CAMK1D: variants seen among roughly 807,000 people sequenced by gnomAD.
CAMK1D encodes calcium/calmodulin dependent protein kinase ID, also known as calcium/calmodulin-dependent protein kinase type 1D.
In CAMK1D, 9 loss-of-function variants were observed where a neutral mutation model predicts 47.7. That is an observed-to-expected ratio of 0.19 (90% confidence interval 0.11 to 0.33). The LOEUF is 0.33. CAMK1D is among the 10% of genes least tolerant of loss of function. CAMK1D has a pLI of 1.00. For missense variants in CAMK1D, 291 were observed against 488.7 expected (o/e 0.60, Z 3.81); for synonymous variants, 184 against 184.9 (o/e 0.99, Z 0.04).
rs138609573 is a variant in CAMK1D at position 12,774,774 on chromosome 10, C to T, written c.565+4975C>T. Among the ~76,000 whole-genome samples the T allele has an allele frequency of 3.0e-3, 460 of 152,336 alleles. 3 individuals are homozygous for T. Among genetic ancestry groups the T allele is most frequent in the South Asian group, 5.6e-3 (27 of 4,828 alleles). On this transcript the variant is annotated intron_variant, in intron 5 of 10. Coordinates refer to ENST00000619168, the MANE Select transcript of CAMK1D (RefSeq NM_153498.4). ...TAGATTCTCATGGGAGCTTGAACCC[C>T]GTTGTGATCTGTGCCCGCAAGAGAT...
intron 3 of CAMK1D, among the ~76,000 whole-genome samples, chr10:12,730,000 C>G (rs1044954770): frequency 6.6e-6 from 1 of 152,126 alleles, no homozygotes; most frequent in African/African-American, 2.4e-5. Flanking sequence ...GATGCAGAGC[C>G]GCTGGGAGAT....
intron 3 of CAMK1D, among the ~76,000 whole-genome samples, chr10:12,670,315 A>G (rs543347682): frequency 5.7e-4 from 86 of 151,924 alleles, no homozygotes; most frequent in African/African-American, 2.1e-3. Flanking sequence ...GGCCACTTGT[A>G]TATCTTCTTT....
intron 2 of CAMK1D, among the ~76,000 whole-genome samples, chr10:12,597,145 TC>T (rs1415962290): frequency 1.3e-5 from 2 of 152,142 alleles, no homozygotes; most frequent in Non-Finnish European, 2.9e-5. Flanking sequence ...ACTTCTTGCC[TC>T]CCTAGGTTTA....
At chr10:12,517,646 T>C (rs1171829241) in intron 1 of CAMK1D, among the ~76,000 whole-genome samples, 1 of 152,244 alleles carries the variant, frequency 6.6e-6, no homozygotes, top group Admixed American at 6.5e-5. Flanking sequence ...TGGCTTTTCT[T>C]AGTCTGTTAA....
rs1219586367 is a variant in CAMK1D, at chr10:12,387,389, A to ATT, written c.92+37480_92+37481dup. Among the ~76,000 whole-genome samples, 236 of 31,688 alleles carry ATT rather than the reference A, an allele frequency of 7.4e-3. 2 individuals are homozygous for ATT. Among genetic ancestry groups the ATT allele is most frequent in the Non-Finnish European group, 0.021 (189 of 9,146 alleles). 20.8% of individuals were successfully genotyped at this position (31,688 alleles called of 152,430 possible). A position where few individuals can be genotyped will look rare whatever the true frequency, so the allele number is the denominator to read the frequency against. On this transcript the variant is annotated intron_variant, in intron 1 of 10. Coordinates refer to ENST00000619168, the MANE Select transcript of CAMK1D (RefSeq NM_153498.4). ...AATATATATATTATATATTATATAT[A>ATT]TTATATATTTTTATATATTATATAT... is the stretch of plus-strand genomic sequence containing the variant.
intron 1 of CAMK1D, among the ~76,000 whole-genome samples, chr10:12,524,314 A>C (rs1400429272): frequency 6.6e-6 from 1 of 152,162 alleles, no homozygotes; most frequent in African/African-American, 2.4e-5. Flanking sequence ...TTAAGGTAGC[A>C]TTTTATCACC....
intron 2 of CAMK1D, 142 bp downstream of exon 2, chr10:12,553,498 C>G (rs1261064435): frequency 3.1e-6 from 2 of 641,580 alleles, no homozygotes; most frequent in African/African-American, 1.8e-5. Flanking sequence ...AACCAACTTT[C>G]AAAGCACTTT....
chr10:12,778,737 G>T (rs1217278849), intron 5 of CAMK1D, among the ~76,000 whole-genome samples: 1 of 152,098 alleles, frequency 6.6e-6, no homozygotes, highest in Non-Finnish European at 1.5e-5. Flanking sequence ...GGTGGGTGTG[G>T]TGGCACACAC....
chr10:12,651,813 C>G (rs774995796), intron 2 of CAMK1D, among the ~76,000 whole-genome samples: 2 of 151,462 alleles, frequency 1.3e-5, no homozygotes, highest in Non-Finnish European at 2.9e-5. Context: ...GAGTCCCGTT[C>G]TGTCGCCCAG....
chr10:12,736,109 T>C (rs1835174120), intron 3 of CAMK1D, among the ~76,000 whole-genome samples: 1 of 152,234 alleles, frequency 6.6e-6, no homozygotes, highest in South Asian at 2.1e-4. Context: ...GAAATTTCCA[T>C]GATGGCGCCA....
chr10:12,535,655 C>T (rs1353182307), intron 1 of CAMK1D, among the ~76,000 whole-genome samples: 2 of 152,206 alleles, frequency 1.3e-5, no homozygotes, highest in African/African-American at 4.8e-5. Flanking sequence ...AAAATTCCCA[C>T]TCCTGAAAGA....
intron 2 of CAMK1D, among the ~76,000 whole-genome samples, chr10:12,659,126 G>A (rs1373531078): frequency 6.6e-6 from 1 of 152,176 alleles, no homozygotes; most frequent in Non-Finnish European, 1.5e-5. Flanking sequence ...ATCAACAGCT[G>A]GCACTGAGAA....
At chr10:12,768,079 A>G (rs1347741939) in intron 4 of CAMK1D, among the ~76,000 whole-genome samples, 6 of 151,932 alleles carry the variant, frequency 3.9e-5, no homozygotes, top group African/African-American at 1.5e-4. Context: ...CGCCATGTTG[A>G]TCAGGCTGGT....
intron 2 of CAMK1D, among the ~76,000 whole-genome samples, chr10:12,597,889 G>T (rs777943673): frequency 6.6e-6 from 1 of 152,146 alleles, no homozygotes; most frequent in Non-Finnish European, 1.5e-5. Context: ...ACAGTTACCT[G>T]GACATAAAGT....
chr10:12,508,953 G>A (rs1405665286), intron 1 of CAMK1D, among the ~76,000 whole-genome samples: 3 of 152,176 alleles, frequency 2.0e-5, no homozygotes, highest in East Asian at 3.8e-4. Flanking sequence ...TTCTGCTTCC[G>A]TTTGTCCTGT....
chr10:12,549,691 C>T (rs1326234326), intron 1 of CAMK1D, among the ~76,000 whole-genome samples: 5 of 152,226 alleles, frequency 3.3e-5, no homozygotes, highest in South Asian at 4.1e-4. Flanking sequence ...CTGTTTAGCA[C>T]GTGACTCTCT....
intron 2 of CAMK1D, among the ~76,000 whole-genome samples, chr10:12,652,265 A>G (rs917778494): frequency 6.6e-6 from 1 of 151,596 alleles, no homozygotes; most frequent in African/African-American, 2.4e-5. Context: ...TTCACTTTTT[A>G]GTAGGAGAGT....
At chr10:12,670,740 G>A (rs1840589642) in intron 3 of CAMK1D, among the ~76,000 whole-genome samples, 2 of 151,922 alleles carry the variant, frequency 1.3e-5, no homozygotes, top group Non-Finnish European at 2.9e-5. Context: ...GTAGAGATGG[G>A]GTTTCACCTT....
chr10:12,511,747 T>C (rs1056873559), intron 1 of CAMK1D, among the ~76,000 whole-genome samples: 3 of 152,284 alleles, frequency 2.0e-5, no homozygotes, highest in Non-Finnish European at 2.9e-5. Flanking sequence ...TCAAATGTGC[T>C]GCAGTATGCA....
Sources: allele counts gnomAD v4.1 joint callset (sites outside exome capture counted in the v4.1 genomes callset), GRCh38; gene constraint gnomAD v4.1.1; transcripts MANE v1.5; gene names NCBI Gene and HGNC (gene_info 2026-07-23, HGNC 2026-07-21).